GPATCH2: variants seen among roughly 807,000 people sequenced by gnomAD.
GPATCH2 encodes the protein G patch domain-containing protein 2.
A neutral mutation model predicts 58.0 loss-of-function variants in GPATCH2; 51 were observed. That is an observed-to-expected ratio of 0.88 (90% CI 0.70 to 1.11). The LOEUF (loss-of-function observed/expected upper bound fraction) is 1.11, where lower values mean the gene tolerates loss of function less well. Among genes scored for constraint, GPATCH2 ranks in the 50% most tolerant of loss-of-function variants. The pLI, the probability that GPATCH2 is intolerant of heterozygous loss-of-function variation, is 0.00. For missense variants in GPATCH2, 625 were observed against 652.2 expected, an observed-to-expected ratio of 0.96 and a Z score of 0.45; for synonymous variants, 222 against 218.5, an observed-to-expected ratio of 1.02 and a Z score of -0.14.
chr1:217,480,364 TACAAATGGCAA>T (rs1431848808), intron 8 of GPATCH2, among the ~76,000 whole-genome samples: 1 of 151,996 alleles, frequency 6.6e-6, no homozygotes, highest in Non-Finnish European at 1.5e-5. Flanking sequence ...AAAGAAGACA[TACAAATGGCAA>T]ACAGGCATAT....
intron 5 of GPATCH2, among the ~76,000 whole-genome samples, chr1:217,521,114 G>A (rs1212650194): frequency 5.3e-5 from 8 of 152,140 alleles, no homozygotes; most frequent in Admixed American, 5.2e-4. Context: ...CCCAAGTACT[G>A]GGATTACAGG....
chr1:217,626,420 T>C (rs1046062650), intron 1 of GPATCH2, among the ~76,000 whole-genome samples: 5 of 152,168 alleles, frequency 3.3e-5, no homozygotes, highest in African/African-American at 1.2e-4. Context: ...AAAATGTTGG[T>C]TGGTCCTAAA....
intron 5 of GPATCH2, among the ~76,000 whole-genome samples, chr1:217,522,449 C>T (rs1663514893): frequency 6.6e-6 from 1 of 152,086 alleles, no homozygotes. Flanking sequence ...ACTTTGCCGT[C>T]CAGTTTTAGT....
chr1:217,608,482 T>C lies in GPATCH2; in HGVS notation c.1098+1839A>G, dbSNP rs113462534. 9.2e-4 allele frequency: 911 copies of C among 985,134 alleles called. 7 individuals are homozygous for C. In the African/African-American group the frequency reaches 0.015, roughly 16 times the overall value. 61.0% of individuals were successfully genotyped at this position (985,134 alleles called of 1,614,324 possible). The stretch of plus-strand genomic sequence containing the variant: ...GTTAAGCCATGTATCATCAATACCA[T>C]GAAGCTAGCCTATCAGTTGTAATAG... On this transcript the variant is annotated intron_variant, in intron 5 of 9. Coordinates refer to ENST00000366935, the MANE Select transcript of GPATCH2 (RefSeq NM_018040.5).
intron 5 of GPATCH2, among the ~76,000 whole-genome samples, chr1:217,515,623 G>A (rs566743693): frequency 3.3e-5 from 5 of 152,070 alleles, no homozygotes; most frequent in African/African-American, 1.2e-4. Context: ...CCGCAGAATC[G>A]CTTGCACCCA....
chr1:217,550,686 A>C (rs1360314254), intron 5 of GPATCH2, among the ~76,000 whole-genome samples: 7 of 151,986 alleles, frequency 4.6e-5, no homozygotes, highest in African/African-American at 1.7e-4. Context: ...ATTTGTTTCC[A>C]AAAATGAAAT....
intron 5 of GPATCH2, among the ~76,000 whole-genome samples, chr1:217,521,822 T>C (rs550133208): frequency 1.5e-4 from 23 of 152,174 alleles, no homozygotes; most frequent in African/African-American, 5.1e-4. Flanking sequence ...AGATAAACCA[T>C]AGAGAAGTAC....
chr1:217,497,753 A>G (rs1377078926), intron 7 of GPATCH2, among the ~76,000 whole-genome samples: 1 of 151,024 alleles, frequency 6.6e-6, no homozygotes, highest in Non-Finnish European at 1.5e-5. Flanking sequence ...TAAAATGTAT[A>G]TGTTTTAAAA....
At chr1:217,563,743 G>C (rs1291780149) in intron 5 of GPATCH2, among the ~76,000 whole-genome samples, 1 of 152,124 alleles carries the variant, frequency 6.6e-6, no homozygotes, top group African/African-American at 2.4e-5. Context: ...TGAAGAGAAA[G>C]TTTTAAAGAA....
intron 5 of GPATCH2, among the ~76,000 whole-genome samples, chr1:217,556,248 C>G (rs1362142536): frequency 6.6e-6 from 1 of 152,072 alleles, no homozygotes; most frequent in Non-Finnish European, 1.5e-5. Context: ...GAGCAGTAAC[C>G]CAACCCAGGA....
intron 5 of GPATCH2, among the ~76,000 whole-genome samples, chr1:217,567,303 C>T (rs1268306692): frequency 6.6e-6 from 1 of 152,174 alleles, no homozygotes; most frequent in Non-Finnish European, 1.5e-5. Context: ...GCCTGGGCCT[C>T]CCAAAGTGCT....
intron 8 of GPATCH2, among the ~76,000 whole-genome samples, chr1:217,458,742 C>T (rs1660070464): frequency 6.6e-6 from 1 of 152,168 alleles, no homozygotes; most frequent in African/African-American, 2.4e-5. Context: ...TGTTAGAGAG[C>T]CTGCTTTTTT....
intron 7 of GPATCH2, among the ~76,000 whole-genome samples, chr1:217,493,252 A>G (rs1463009173): frequency 6.6e-6 from 1 of 152,126 alleles, no homozygotes; most frequent in Non-Finnish European, 1.5e-5. Flanking sequence ...CTCTATGGAG[A>G]TCAAACTCAA....
chr1:217,515,017 C>A, intron 5 of GPATCH2, 128 bp from the exon 6 acceptor site: 1 of 643,226 alleles, frequency 1.6e-6, no homozygotes, highest in Non-Finnish European at 2.9e-6. Flanking sequence ...AAATCTCAGA[C>A]AACACTGTGT....
At position 217,584,345 on chromosome 1, in the gene GPATCH2, ATATATATAT is replaced by A. The variant is rs377725365; in HGVS notation, c.1098+25967_1098+25975del. ...TCACCTCTACTAAAAAAAAAAAAAA[ATATATATAT>A]ATATATATATACACACACACAAAAA... On this transcript the variant is annotated intron_variant, in intron 5 of 9. Coordinates refer to ENST00000366935, the MANE Select transcript of GPATCH2 (RefSeq NM_018040.5). Among the ~76,000 whole-genome samples, 85 of 54,776 alleles carry A rather than the reference ATATATATAT, an allele frequency of 1.6e-3. 1 individual carries two copies. Among genetic ancestry groups the A allele is most frequent in the African/African-American group, 3.1e-3 (57 of 18,444 alleles). The allele number at this position is 54,776 out of a possible 152,430, so 35.9% of individuals were successfully genotyped here.
At chr1:217,604,780 C>T (rs1248712082) in intron 5 of GPATCH2, among the ~76,000 whole-genome samples, 2 of 152,144 alleles carry the variant, frequency 1.3e-5, no homozygotes, top group Admixed American at 1.3e-4. Context: ...AATCCCAGCA[C>T]TTTGGGAGGC....
At chr1:217,438,323 TCTC>T (rs1462656874) in intron 9 of GPATCH2, among the ~76,000 whole-genome samples, 1 of 152,076 alleles carries the variant, frequency 6.6e-6, no homozygotes, top group Non-Finnish European at 1.5e-5. Flanking sequence ...GAACGCCTCT[TCTC>T]CTCTAAAGGA....
chr1:217,614,242 A>T, intron 2 of GPATCH2, 40 bp from the exon 3 acceptor site: 4 of 1,168,396 alleles, frequency 3.4e-6, no homozygotes, highest in Non-Finnish European at 5.1e-6. Flanking sequence ...CAAAAGAACA[A>T]TTGATCTCTC....
chr1:217,571,950 G>GAGGA (rs36025374), intron 5 of GPATCH2, among the ~76,000 whole-genome samples: 32,217 of 137,246 alleles, frequency 0.23, 4,823 homozygotes, highest in East Asian at 0.68. Flanking sequence ...AAAGAAAAGG[G>GAGGA]AGGAAGGAAG....
Sources: gnomAD v4.1 joint callset for allele counts (sites outside exome capture counted in the v4.1 genomes callset) on GRCh38, gnomAD v4.1.1 for gene constraint, MANE v1.5 for transcripts, NCBI Gene and HGNC (gene_info 2026-07-23, HGNC 2026-07-21) for gene names.